Variants in CCNJ observed in about 807,000 individuals in gnomAD.
The protein encoded by CCNJ is cyclin-J.
Under a neutral mutation model 41.4 loss-of-function variants are expected in CCNJ, and 12 were observed. That is an observed-to-expected ratio of 0.29 (90% CI 0.19 to 0.47). The LOEUF is 0.47. CCNJ is among the 20% of genes least tolerant of loss of function. CCNJ has a pLI of 1.00. For missense variants in CCNJ, 340 were observed against 464.6 expected, an observed-to-expected ratio of 0.73 and a Z score of 2.47; for synonymous variants, 161 against 173.4, an observed-to-expected ratio of 0.93 and a Z score of 0.56.
At position 96,057,994 on chromosome 10, in the gene CCNJ, G is replaced by A. The variant is rs759307824; in HGVS notation, c.905G>A (p.Arg302His). 8 of 1,613,884 alleles carry A rather than the reference G, an allele frequency of 5.0e-6. No individual in the cohort carries two copies. The highest frequency in any genetic ancestry group is 4.5e-5 in the East Asian group (2 of 44,892). ...ACACATCAGACCTCACTGCAGTATCGCCATCCTACGTCAGAACAACCAAGC... is the reference window on the plus strand; with the variant it reads ...ACACATCAGACCTCACTGCAGTATCACCATCCTACGTCAGAACAACCAAGC... The part of the protein sequence containing the change: ...HQTHQTSLQY[R>H]HPTSEQPSCQ... The change falls in exon 6 of 6, where the codon CGC becomes CAC. Residue 302 changes from arginine (R) to histidine (H), a missense_variant. Around this residue, in one of 3 missense-constraint regions of CCNJ, gnomAD observed 159 missense variants for 168.2 expected, o/e 0.95. Coordinates refer to ENST00000465148, the MANE Select transcript of CCNJ (RefSeq NM_001134375.2).
chr10:96,050,164 T>C (rs1465647039), intron 2 of CCNJ, 92 bp from the exon 3 acceptor site: 2 of 851,060 alleles, frequency 2.4e-6, no homozygotes, highest in Non-Finnish European at 4.0e-6. Flanking sequence ...GCACTTGTAA[T>C]ACTAATATAT....
intron 3 of CCNJ, among the ~76,000 whole-genome samples, chr10:96,050,989 T>C (rs1162934813): frequency 6.6e-6 from 1 of 152,208 alleles, no homozygotes; most frequent in Non-Finnish European, 1.5e-5. Context: ...CATAACAAAA[T>C]TCTCTGTCCC....
At chr10:96,044,641 A>G (rs1251476249) in intron 2 of CCNJ, among the ~76,000 whole-genome samples, 179 bp downstream of exon 2, 1 of 152,228 alleles carries the variant, frequency 6.6e-6, no homozygotes, top group African/African-American at 2.4e-5. Flanking sequence ...GGATGTATCA[A>G]AAGAACCTGC....
chr10:96,048,360 A>G (rs1024705787), intron 2 of CCNJ, among the ~76,000 whole-genome samples: 15 of 152,304 alleles, frequency 9.8e-5, no homozygotes, highest in East Asian at 7.7e-4. Flanking sequence ...GAATCACCAC[A>G]CTGTCTTCCA....
At chr10:96,047,333 C>A (rs1246820833) in intron 2 of CCNJ, among the ~76,000 whole-genome samples, 11 of 152,130 alleles carry the variant, frequency 7.2e-5, no homozygotes, top group Non-Finnish European at 1.6e-4. Context: ...AAATCGGCAT[C>A]TTCCCTTTAT....
chr10:96,056,648 AATG>A, intron 3 of CCNJ, 50 bp from the exon 4 acceptor site: 1 of 1,354,182 alleles, frequency 7.4e-7, no homozygotes, highest in Non-Finnish European at 1.0e-6. Context: ...CTAGACCAAT[AATG>A]ATCACTTGCC....
chr10:96,058,606 G>T lies in CCNJ; in HGVS notation c.*365G>T, dbSNP rs536925007. 2.4e-6 allele frequency: 1 copy of T among 412,662 alleles called. No individual in the cohort carries two copies. Among genetic ancestry groups the T allele is most frequent in the Non-Finnish European group, 4.3e-6 (1 of 233,648 alleles). 25.6% of individuals were successfully genotyped at this position (412,662 alleles called of 1,614,324 possible). ...GCCTAATGTTGGCTTCTAAGTCAAA[G>T]ACTAAATGTTTATCTCATCTATGGA... On this transcript the variant is annotated 3_prime_UTR_variant, in exon 6 of 6. Coordinates refer to ENST00000465148, the MANE Select transcript of CCNJ (RefSeq NM_001134375.2).
At chr10:96,045,477 T>TA in intron 2 of CCNJ, among the ~76,000 whole-genome samples, 1 of 152,354 alleles carries the variant, frequency 6.6e-6, no homozygotes, top group South Asian at 2.1e-4. Flanking sequence ...AATTCTGACT[T>TA]AAATTGTTAC....
rs752309945 is a variant in CCNJ, at chr10:96,057,831, G to T, written c.742G>T (p.Ala248Ser). 2 of 1,612,562 alleles carry T rather than the reference G, an allele frequency of 1.2e-6. No individual in the cohort carries two copies. Among genetic ancestry groups the T allele is most frequent in the East Asian group, 2.2e-5 (1 of 44,860 alleles). Reference protein sequence around the residue: ...LVQCIERLLIAHDNDVKEANK... With the variant: ...LVQCIERLLISHDNDVKEANK... Reference sequence around the variant, plus strand: ...GTTTCCTTTCTCTCCACGTTTCAGCGCTCATGATAATGATGTGAAAGAAGC... The same window carrying T: ...GTTTCCTTTCTCTCCACGTTTCAGCTCTCATGATAATGATGTGAAAGAAGC... The change falls in exon 6 of 6, where the codon GCT (alanine) becomes TCT (serine). Residue 248 changes from alanine to serine, a missense_variant and splice_region_variant. Transcript: ENST00000465148.
At position 96,059,758 on chromosome 10, in the gene CCNJ, T is replaced by C. The variant is rs1186305226; in HGVS notation, c.*1517T>C. The stretch of plus-strand genomic sequence containing the variant: ...AAACTTACTATAAAGATGTTGTGGG[T>C]ATGCAGCAGGAGTCTCAGTAATCAA... On this transcript the variant is annotated 3_prime_UTR_variant, in exon 6 of 6. Coordinates refer to ENST00000465148, the MANE Select transcript of CCNJ (RefSeq NM_001134375.2). 1.3e-5 allele frequency: 2 copies of C among 152,512 alleles called. No individual in the cohort carries two copies. Among genetic ancestry groups the C allele is most frequent in the Non-Finnish European group, 2.9e-5 (2 of 68,016 alleles). 9.4% of individuals were successfully genotyped at this position (152,512 alleles called of 1,614,324 possible).
rs1258182646 is a variant in CCNJ at position 96,058,784 on chromosome 10, A to T, written c.*543A>T. 3.2e-6 allele frequency: 1 copy of T among 309,812 alleles called. No individual in the cohort carries two copies. Among genetic ancestry groups the T allele is most frequent in the Non-Finnish European group, 5.8e-6 (1 of 171,332 alleles). 19.2% of individuals were successfully genotyped at this position (309,812 alleles called of 1,614,324 possible). A position where few individuals can be genotyped will look rare whatever the true frequency, so the allele number is the denominator to read the frequency against. ...ATGCTATACCAATCTGCAGTAAAAA[A>T]AATTTTTTTAGATGATTCTATATAA... On this transcript the variant is annotated 3_prime_UTR_variant, in exon 6 of 6. Coordinates refer to ENST00000465148, the MANE Select transcript of CCNJ (RefSeq NM_001134375.2).
At position 96,044,375 on chromosome 10, in the gene CCNJ, G is replaced by C. The variant is rs2080301985; in HGVS notation, c.-19G>C. 2 of 1,514,228 alleles carry C rather than the reference G, an allele frequency of 1.3e-6. No individual in the cohort carries two copies. The highest frequency in any genetic ancestry group is 2.8e-5 in the African/African-American group (2 of 70,950). 93.8% of individuals were successfully genotyped at this position (1,514,228 alleles called of 1,614,324 possible). A position where few individuals can be genotyped will look rare whatever the true frequency, so the allele number is the denominator to read the frequency against. On this transcript the variant is annotated 5_prime_UTR_variant, in exon 2 of 6. Transcript: ENST00000465148. ...CAGACTCGAGTTGCCGCGTCGGGCT[G>C]GGCGCGCCGCCGGGTCCCATGGAGC... is the stretch of plus-strand genomic sequence containing the variant.
In CCNJ at chr10:96,056,862, G is replaced by A. The variant is rs894129041; in HGVS notation, c.442G>A (p.Ala148Thr). 6.2e-6 allele frequency: 10 copies of A among 1,613,934 alleles called. No individual in the cohort carries two copies. The highest frequency in any genetic ancestry group is 1.3e-5 in the African/African-American group (1 of 74,880). The change falls in exon 4 of 6, where the codon GCC (alanine) becomes ACC (threonine). Residue 148 changes from alanine to threonine, a missense_variant. By Grantham distance (58) the Ala-to-Thr change is moderately conservative. Around this residue, in one of 3 missense-constraint regions of CCNJ, gnomAD observed 137 missense variants for 252.9 expected, o/e 0.54. Transcript: ENST00000465148. ...GTGGAACCTCTGCCTTCCAACAGCC[G>A]CCCATTTCATTGAGTATTATCTCTC... ...FQWNLCLPTA[A>T]HFIEYYLSEA...
intron 2 of CCNJ, 82 bp downstream of exon 2, chr10:96,044,544 C>G (rs981469532): frequency 2.6e-6 from 3 of 1,143,842 alleles, no homozygotes; most frequent in Non-Finnish European, 3.5e-6. Flanking sequence ...AAGGTCTAGT[C>G]AGGTTCTTTA....
intron 3 of CCNJ, among the ~76,000 whole-genome samples, chr10:96,056,184 C>T (rs2080684176): frequency 6.6e-6 from 1 of 151,994 alleles, no homozygotes; most frequent in Non-Finnish European, 1.5e-5. Context: ...TGGCGGGCGC[C>T]TGTAGTCCCA....
upstream of CCNJ, chr10:96,043,501 T>C (rs1473561163): frequency 2.6e-6 from 1 of 390,688 alleles, no homozygotes; most frequent in Non-Finnish European, 4.5e-6. Context: ...GACCCCGCTG[T>C]ATCGCGAGAC....
At position 96,057,893 on chromosome 10, in the gene CCNJ, G is replaced by A. The variant is rs17111275; in HGVS notation, c.804G>A (p.Ala268=). ...GAGGGCAAGCAGGACCTCAGTCAGCGCAACTAAGTGTATTCCAGACAGCCT... is the reference window on the plus strand; with the variant it reads ...GAGGGCAAGCAGGACCTCAGTCAGCACAACTAAGTGTATTCCAGACAGCCT... ...KQRGQAGPQS[A]QLSVFQTASQ... is the part of the protein sequence containing the mutation. Residue 268 remains alanine, a synonymous_variant, in exon 6 of 6, where the codon GCG becomes GCA. Coordinates refer to ENST00000465148, the MANE Select transcript of CCNJ (RefSeq NM_001134375.2). The A allele has an allele frequency of 3.0e-5, 48 of 1,613,982 alleles. No individual in the cohort carries two copies. Among genetic ancestry groups the A allele is most frequent in the Admixed American group, 1.0e-4 (6 of 60,002 alleles).
At chr10:96,051,494 TGAA>T (rs1026883676) in intron 3 of CCNJ, among the ~76,000 whole-genome samples, 1 of 152,200 alleles carries the variant, frequency 6.6e-6, no homozygotes, top group African/African-American at 2.4e-5. Context: ...TATTTGATAT[TGAA>T]GTTAAATCAG....
intron 3 of CCNJ, among the ~76,000 whole-genome samples, chr10:96,054,437 GAAAA>G (rs761759461): frequency 3.9e-4 from 59 of 152,176 alleles, no homozygotes; most frequent in Admixed American, 1.0e-3. Flanking sequence ...ATACATAATG[GAAAA>G]GTTCCAAAAA....
Sources: gnomAD v4.1 joint callset for allele counts (sites outside exome capture counted in the v4.1 genomes callset) on GRCh38, gnomAD v4.1.1 for gene constraint, gnomAD v4.1.1 regional missense constraint, MANE v1.5 for transcripts, NCBI Gene and HGNC (gene_info 2026-07-23, HGNC 2026-07-21) for gene names.